Variants in NDEL1 observed in about 807,000 individuals in gnomAD.
NDEL1 encodes the protein nudE neurodevelopment protein 1 like 1.
In NDEL1, 9 loss-of-function variants were observed where a neutral mutation model predicts 45.7. The ratio of observed to expected loss-of-function variants is 0.20; its 90% confidence interval spans 0.12 to 0.34. The LOEUF (loss-of-function observed/expected upper bound fraction) is 0.34, where lower values mean the gene tolerates loss of function less well. NDEL1 is among the 10% of genes least tolerant of loss of function. The pLI is 1.00. For synonymous variants in NDEL1, 133 were observed against 158.6 expected (o/e 0.84, Z 1.21); for missense variants, 306 against 406.2 (o/e 0.75, Z 2.12).
chr17:8,445,506 A>G (rs1337585625), intron 2 of NDEL1, among the ~76,000 whole-genome samples: 1 of 152,200 alleles, frequency 6.6e-6, no homozygotes, highest in African/African-American at 2.4e-5. Flanking sequence ...TATTGTAATC[A>G]CTGACTTGTG....
upstream of NDEL1, among the ~76,000 whole-genome samples, chr17:8,433,950 A>G (rs920520808): frequency 6.6e-6 from 1 of 152,062 alleles, no homozygotes; most frequent in Non-Finnish European, 1.5e-5. Context: ...TCTGATCTTT[A>G]TTGATTTGGG....
At position 8,442,359 on chromosome 17, in the gene NDEL1, G is replaced by A. The variant is rs148796848; in HGVS notation, c.-12-1901G>A. On this transcript the variant is annotated intron_variant, in intron 1 of 8. Coordinates refer to ENST00000334527, the MANE Select transcript of NDEL1 (RefSeq NM_030808.5). ...AAGTAGGAATTCAGATGTTAATAAA[G>A]TGGTACTTTGAAAGTCAAGAGGGAA... is the stretch of plus-strand genomic sequence containing the variant. Among the ~76,000 whole-genome samples, 326 of 152,342 alleles carry A rather than the reference G, an allele frequency of 2.1e-3. 3 individuals are homozygous for A. The highest frequency in any genetic ancestry group is 0.017 in the South Asian group (83 of 4,830).
downstream of NDEL1, among the ~76,000 whole-genome samples, chr17:8,469,612 C>T (rs767237804): frequency 3.9e-5 from 6 of 152,120 alleles, no homozygotes; most frequent in African/African-American, 1.2e-4. Flanking sequence ...ATTTCTGATC[C>T]CTTTGGGAAG....
chr17:8,441,451 A>G (rs192005538), intron 1 of NDEL1, among the ~76,000 whole-genome samples: 1 of 152,238 alleles, frequency 6.6e-6, no homozygotes, highest in Non-Finnish European at 1.5e-5. Flanking sequence ...CAGGAAGTTC[A>G]TCGATGGCTA....
downstream of NDEL1, among the ~76,000 whole-genome samples, chr17:8,470,798 C>T (rs565845161): frequency 5.9e-5 from 9 of 152,322 alleles, no homozygotes; most frequent in East Asian, 9.7e-4. This position sits in a 1 kb window ranked among gnomAD's most constrained non-coding sequence, Gnocchi z 4.2. Context: ...TTGGAAATGA[C>T]GAGCGGCGGG....
chr17:8,419,274 CTATAGAAAA>C (rs1386698520), intron 1 of NDEL1, among the ~76,000 whole-genome samples: 1 of 151,976 alleles, frequency 6.6e-6, no homozygotes, highest in Non-Finnish European at 1.5e-5. Flanking sequence ...CGTGTATTTG[CTATAGAAAA>C]TTTGGAAAAT....
At position 8,448,666 on chromosome 17, in the gene NDEL1, G is replaced by C; in HGVS notation, c.506G>C (p.Arg169Thr). The change falls in exon 5 of 9, where the codon AGG becomes ACG. Residue 169 changes from arginine to threonine, a missense_variant. Physicochemically the swap from Arg to Thr is moderately conservative, Grantham distance 71 (BLOSUM62 -1). Coordinates refer to ENST00000334527, the MANE Select transcript of NDEL1 (RefSeq NM_030808.5). The part of the protein sequence containing the change: ...EKESLLVSVQ[R>T]LKDEARDLRQ... ...GAATCTTTGTTGGTCTCTGTACAGA[G>C]GTTAAAGGATGAAGCAAGAGGTAAA... is the stretch of plus-strand genomic sequence containing the variant. 1 of 1,612,350 alleles carries C rather than the reference G, an allele frequency of 6.2e-7. No homozygotes were observed. The highest frequency in any genetic ancestry group is 8.5e-7 in the Non-Finnish European group (1 of 1,179,158).
chr17:8,416,986 G>A (rs1908560917), intron 1 of NDEL1, among the ~76,000 whole-genome samples: 1 of 151,932 alleles, frequency 6.6e-6, no homozygotes, highest in Non-Finnish European at 1.5e-5. Context: ...TTGAAGCCCC[G>A]TGTTCTTGTT....
chr17:8,453,618 T>G (rs1195973270), intron 6 of NDEL1, among the ~76,000 whole-genome samples: 2 of 152,184 alleles, frequency 1.3e-5, no homozygotes, highest in Non-Finnish European at 2.9e-5. Context: ...TGGGTAAATA[T>G]CATGGTAAAT....
chr17:8,430,049 G>T (rs756586486), intron 1 of NDEL1, among the ~76,000 whole-genome samples: 2 of 152,158 alleles, frequency 1.3e-5, no homozygotes, highest in Non-Finnish European at 2.9e-5. Context: ...GCTGGGGAGG[G>T]AAATGATTAG....
At chr17:8,435,737 G>A, upstream of NDEL1, 4 of 337,414 alleles carry the variant, frequency 1.2e-5, no homozygotes, top group South Asian at 6.2e-5. Flanking sequence ...GCAAGAGGAC[G>A]CCGTCAGCTT....
At position 8,464,291 on chromosome 17, in the gene NDEL1, C is replaced by G. The variant is rs577427104; in HGVS notation, c.945-2639C>G. The G allele has an allele frequency of 2.0e-5, 3 of 152,350 alleles. No individual in the cohort carries two copies. In the East Asian group the frequency reaches 5.8e-4, roughly 29 times the overall value. The allele number at this position is 152,350 out of a possible 1,614,324, so 9.4% of individuals were successfully genotyped here. On this transcript the variant is annotated intron_variant, in intron 8 of 8. Coordinates refer to ENST00000334527, the MANE Select transcript of NDEL1 (RefSeq NM_030808.5). ...TGATTCCCAGATCTGTATCTTCAAGCCTGCCCCATCACTCTTCCTTCAGTC... is the reference window on the plus strand; with the variant it reads ...TGATTCCCAGATCTGTATCTTCAAGGCTGCCCCATCACTCTTCCTTCAGTC...
intron 1 of NDEL1, chr17:8,436,665 T>C (rs566727037): frequency 6.6e-6 from 1 of 152,374 alleles, no homozygotes; most frequent in African/African-American, 2.4e-5. Context: ...CTGTAAGCCA[T>C]GAGATGACCC....
chr17:8,473,478 G>A (rs539034753), intron 3 of NDEL1, among the ~76,000 whole-genome samples: 2 of 152,280 alleles, frequency 1.3e-5, no homozygotes, highest in South Asian at 4.1e-4. Flanking sequence ...TGAGCACCAT[G>A]CCCAGCCCAG....
chr17:8,451,057 A>G, intron 6 of NDEL1, 104 bp downstream of exon 6: 1 of 1,166,126 alleles, frequency 8.6e-7, no homozygotes, highest in East Asian at 2.7e-5. Flanking sequence ...TTTTAGTTTA[A>G]AAGTTGGTGA....
intron 5 of NDEL1, among the ~76,000 whole-genome samples, chr17:8,449,480 G>A (rs150826953): frequency 8.1e-4 from 123 of 152,270 alleles, no homozygotes; most frequent in African/African-American, 2.9e-3. Flanking sequence ...TAGTCAAATT[G>A]TTGTGTAAAC....
chr17:8,455,777 G>T (rs1219645122), intron 7 of NDEL1, among the ~76,000 whole-genome samples: 1 of 151,362 alleles, frequency 6.6e-6, no homozygotes, highest in Non-Finnish European at 1.5e-5. Flanking sequence ...ACCTCATCAA[G>T]AGTATTACCC....
At chr17:8,470,908 G>A (rs1404377041), downstream of NDEL1, among the ~76,000 whole-genome samples, 1 of 152,222 alleles carries the variant, frequency 6.6e-6, no homozygotes, top group Non-Finnish European at 1.5e-5. The surrounding 1 kb of genome is among the most constrained non-coding windows in gnomAD (Gnocchi z 4.2). Flanking sequence ...CTGCCCCGGA[G>A]ATGCCACTAG....
upstream of NDEL1, chr17:8,431,108 C>A (rs1908990301): frequency 6.6e-6 from 1 of 152,330 alleles, no homozygotes; most frequent in South Asian, 2.1e-4. Flanking sequence ...GGGGCCTGGC[C>A]TGCCATTAGA....
Sources: gnomAD v4.1 joint callset for allele counts (sites outside exome capture counted in the v4.1 genomes callset) on GRCh38, gnomAD v4.1.1 for gene constraint, Gnocchi (gnomAD v3.1) non-coding constraint, MANE v1.5 for transcripts, NCBI Gene and HGNC (gene_info 2026-07-23, HGNC 2026-07-21) for gene names.